The following TOP2A variants were observed in gnomAD, a reference collection of about 807,000 sequenced individuals.
TOP2A encodes DNA topoisomerase II alpha, also known as DNA topoisomerase 2-alpha.
TOP2A carries 68 observed loss-of-function variants against 187.2 expected under a neutral mutation model. The observed-to-expected ratio is 0.36, with a 90% CI of 0.30 to 0.44. TOP2A has a LOEUF of 0.44. TOP2A is among the 20% of genes least tolerant of loss of function. The pLI is 1.00. For synonymous variants in TOP2A, 542 were observed against 593.2 expected (o/e 0.91, Z 1.25); for missense variants, 1,196 against 1,808.7 (o/e 0.66, Z 6.14).
At position 40,400,960 on chromosome 17, in the gene TOP2A, C is replaced by T; in HGVS notation, c.2554G>A (p.Gly852Ser). The T allele has an allele frequency of 6.2e-7, 1 of 1,613,936 alleles. No individual in the cohort carries two copies. Among genetic ancestry groups the T allele is most frequent in the Non-Finnish European group, 8.5e-7 (1 of 1,179,878 alleles). ...CACCCAGTACCGATTCCTTCAGCAC[C>T]ATTTATCAGCACCATGGGAATAATA... ...IPIIPMVLIN[G>S]AEGIGTGWSC... The change falls in exon 21 of 35, where the codon GGT becomes AGT. Residue 852 changes from glycine (G) to serine (S), a missense_variant. Coordinates refer to ENST00000423485, the MANE Select transcript of TOP2A (RefSeq NM_001067.4).
intron 1 of TOP2A, among the ~76,000 whole-genome samples, chr17:40,417,244 C>G (rs2035402285): frequency 6.6e-6 from 1 of 152,010 alleles, no homozygotes; most frequent in Non-Finnish European, 1.5e-5. Flanking sequence ...TACGGTGTCC[C>G]GAGCACACGA....
rs768199366 is a variant in TOP2A, at chr17:40,417,762, G to A, written c.21+9C>T. 8.7e-6 allele frequency: 14 copies of A among 1,613,046 alleles called. No homozygotes were observed. Among genetic ancestry groups the A allele is most frequent in the African/African-American group, 2.7e-5 (2 of 74,904 alleles). ...AGGCTCCACCGCCAGTCCCCCCCGC[G>A]AGCCGTACCTGCAATGGTGACACTT... On this transcript the variant is annotated intron_variant, in intron 1 of 34. Coordinates refer to ENST00000423485, the MANE Select transcript of TOP2A (RefSeq NM_001067.4).
rs914273622 is a variant in TOP2A, at chr17:40,416,906, A to C, written c.22-11T>G. ...ATTTTCATTTACAGGCTAGCAATTAAAAAAAAAGAGAGAAAGAAGGGAATT... is the reference window on the plus strand; with the variant it reads ...ATTTTCATTTACAGGCTAGCAATTACAAAAAAAGAGAGAAAGAAGGGAATT... On this transcript the variant is annotated splice_polypyrimidine_tract_variant and intron_variant, in intron 1 of 34. Coordinates refer to ENST00000423485, the MANE Select transcript of TOP2A (RefSeq NM_001067.4). 5.7e-6 allele frequency: 9 copies of C among 1,573,962 alleles called. No individual in the cohort carries two copies. The highest frequency in any genetic ancestry group is 6.9e-6 in the Non-Finnish European group (8 of 1,164,384).
At position 40,408,055 on chromosome 17, in the gene TOP2A, G is replaced by GAAA; in HGVS notation, c.1409_1411dup (p.Val470_Ser471insPhe). On this transcript the variant is annotated inframe_insertion, in exon 12 of 35. Coordinates refer to ENST00000423485, the MANE Select transcript of TOP2A (RefSeq NM_001067.4). ...GTCTCTCCCAACCACACCAAGGCCT[G>GAAA]AAACAGCCAAAGTTTTGGCTGAATC... 1.2e-6 allele frequency: 2 copies of GAAA among 1,613,624 alleles called. No individual in the cohort carries two copies. Among genetic ancestry groups the GAAA allele is most frequent in the Non-Finnish European group, 1.7e-6 (2 of 1,179,668 alleles).
At chr17:40,394,652 G>A (rs1244581509) in intron 29 of TOP2A, among the ~76,000 whole-genome samples, 1 of 152,090 alleles carries the variant, frequency 6.6e-6, no homozygotes, top group Admixed American at 6.6e-5. Context: ...ACGTTAAATG[G>A]GCAAATTTGG....
rs2035326512 is a variant in TOP2A at position 40,411,900 on chromosome 17, C to T, written c.790-82G>A. On this transcript the variant is annotated intron_variant, in intron 7 of 34. Coordinates refer to ENST00000423485, the MANE Select transcript of TOP2A (RefSeq NM_001067.4). This position sits in a 1 kb window ranked among gnomAD's most constrained non-coding sequence, Gnocchi z 4.4. The stretch of plus-strand genomic sequence containing the variant: ...GATAGACTATGAGGACTTTCCAAAA[C>T]CAATGCAATGATGTTCACTGATAGG... The T allele has an allele frequency of 1.7e-6, 2 of 1,154,490 alleles. No individual in the cohort carries two copies. Among genetic ancestry groups the T allele is most frequent in the Non-Finnish European group, 2.4e-6 (2 of 832,198 alleles). The allele number at this position is 1,154,490 out of a possible 1,614,324, so 71.5% of individuals were successfully genotyped here.
At chr17:40,412,341 T>C (rs1323476103) in intron 7 of TOP2A, among the ~76,000 whole-genome samples, 6 of 152,230 alleles carry the variant, frequency 3.9e-5, no homozygotes, top group Non-Finnish European at 7.4e-5. Flanking sequence ...ATGTGAGAAG[T>C]GGTAAGAAAA....
At position 40,389,607 on chromosome 17, in the gene TOP2A, T is replaced by G. The variant is rs767915206; in HGVS notation, c.4508A>C (p.Asp1503Ala). 3.7e-6 allele frequency: 6 copies of G among 1,608,756 alleles called. No individual in the cohort carries two copies. Among genetic ancestry groups the G allele is most frequent in the Middle Eastern group, 1.7e-4 (1 of 6,056 alleles). ...TTTTGCCCGAGGAGCCACAGCTGAGTCAAAGTCCATATGGAAGTCATCACT... is the reference window on the plus strand; with the variant it reads ...TTTTGCCCGAGGAGCCACAGCTGAGGCAAAGTCCATATGGAAGTCATCACT... ...GESDDFHMDF[D>A]SAVAPRAKSV... Residue 1503 changes from aspartate to alanine, a missense_variant, in exon 35 of 35, where the codon GAC becomes GCC. By Grantham distance (126) the Asp-to-Ala change is moderately radical. Around this residue, in one of 10 missense-constraint regions of TOP2A, gnomAD observed 374 missense variants for 403.3 expected, o/e 0.93. Coordinates refer to ENST00000423485, the MANE Select transcript of TOP2A (RefSeq NM_001067.4).
chr17:40,410,984 C>T, intron 10 of TOP2A, 125 bp downstream of exon 10: 1 of 1,000,654 alleles, frequency 1.0e-6, no homozygotes, highest in Non-Finnish European at 1.4e-6. Flanking sequence ...TTTTTTACTT[C>T]CTTTTCAGAT....
At chr17:40,413,041 A>C in intron 6 of TOP2A, 70 bp from the exon 7 acceptor site, 1 of 1,375,398 alleles carries the variant, frequency 7.3e-7, no homozygotes, top group African/African-American at 1.4e-5. Flanking sequence ...AATAACATAA[A>C]TTTATGAGTC....
chr17:40,395,802 C>T (rs921620980), intron 28 of TOP2A, among the ~76,000 whole-genome samples: 9 of 151,804 alleles, frequency 5.9e-5, no homozygotes, highest in Non-Finnish European at 1.3e-4. Flanking sequence ...GCACGAGAAT[C>T]GCTTGAATAC....
chr17:40,416,676 G>A lies in TOP2A; in HGVS notation c.177+64C>T, dbSNP rs1015073355. Reference sequence around the variant, plus strand: ...AAAGGTCACACTCAGTACATGAAAGGTACAGAAAGAAGAGTATCCATTTCA... The same window carrying A: ...AAAGGTCACACTCAGTACATGAAAGATACAGAAAGAAGAGTATCCATTTCA... On this transcript the variant is annotated intron_variant, in intron 2 of 34. Coordinates refer to ENST00000423485, the MANE Select transcript of TOP2A (RefSeq NM_001067.4). The A allele has an allele frequency of 1.7e-5, 27 of 1,561,972 alleles. No individual in the cohort carries two copies. In the African/African-American group the frequency reaches 3.7e-4, roughly 21 times the overall value.
At chr17:40,412,419 G>C (rs748245752) in intron 7 of TOP2A, among the ~76,000 whole-genome samples, 55 of 152,168 alleles carry the variant, frequency 3.6e-4, no homozygotes, top group Non-Finnish European at 7.3e-5. Context: ...GCCAAGACGG[G>C]TGGATCATGA....
At chr17:40,393,527 A>G (rs891400756) in intron 29 of TOP2A, among the ~76,000 whole-genome samples, 1 of 152,128 alleles carries the variant, frequency 6.6e-6, no homozygotes, top group Non-Finnish European at 1.5e-5. Context: ...TCAAGGACAT[A>G]TATAGCTCAA....
chr17:40,400,648 T>A lies in TOP2A; in HGVS notation c.2680A>T (p.Asn894Tyr), dbSNP rs769276528. The change falls in exon 22 of 35, where the codon AAC becomes TAC. Residue 894 changes from asparagine (N) to tyrosine (Y), a missense_variant. Around this residue, in one of 10 missense-constraint regions of TOP2A, gnomAD observed 232 missense variants for 306.1 expected, o/e 0.76. Coordinates refer to ENST00000423485, the MANE Select transcript of TOP2A (RefSeq NM_001067.4). ...AGTTCTTCAATAGTACCCTTGAAGT[T>A]CTTGTAACTTGGAAGCTAAATTGGC... ...EPLPMLPSYK[N>Y]FKGTIEELAP... 4.4e-6 allele frequency: 7 copies of A among 1,592,990 alleles called. No individual in the cohort carries two copies. The East Asian group carries it at 1.6e-4, about 36-fold the overall frequency.
chr17:40,406,828 G>A lies in TOP2A; in HGVS notation c.1737+4C>T, dbSNP rs533985089. 30 of 1,599,484 alleles carry A rather than the reference G, an allele frequency of 1.9e-5. 1 individual carries two copies. In the East Asian group the frequency reaches 2.0e-4, roughly 11 times the overall value. On this transcript the variant is annotated splice_donor_region_variant and intron_variant, in intron 14 of 34. Transcript: ENST00000423485. ...TCCATGATGGTACTTAGAAATTAGCGTACCTTTACAATGGGAGTGATAAAT... is the reference window on the plus strand; with the variant it reads ...TCCATGATGGTACTTAGAAATTAGCATACCTTTACAATGGGAGTGATAAAT...
chr17:40,409,562 C>A, intron 10 of TOP2A: 2 of 402,668 alleles, frequency 5.0e-6, no homozygotes, highest in Non-Finnish European at 4.8e-6. Context: ...AGTTCAAGAC[C>A]AGCCTGGCCA....
In TOP2A at chr17:40,416,733, A is replaced by G; in HGVS notation, c.177+7T>C. The G allele has an allele frequency of 6.2e-7, 1 of 1,605,060 alleles. No homozygotes were observed. The highest frequency in any genetic ancestry group is 1.3e-5 in the African/African-American group (1 of 74,404). On this transcript the variant is annotated splice_region_variant and intron_variant, in intron 2 of 34. Coordinates refer to ENST00000423485, the MANE Select transcript of TOP2A (RefSeq NM_001067.4). Reference sequence around the variant, plus strand: ...AGGTTAACTGCCTTTGATGAGCTTGATTTTACCTGGGTCACTAATTCCACA... The same window carrying G: ...AGGTTAACTGCCTTTGATGAGCTTGGTTTTACCTGGGTCACTAATTCCACA...
intron 16 of TOP2A, 130 bp from the exon 17 acceptor site, chr17:40,405,013 G>A: frequency 1.7e-6 from 1 of 601,530 alleles, no homozygotes; most frequent in Non-Finnish European, 2.8e-6. Flanking sequence ...TTTGAGACGG[G>A]AGTTACTGTT....
Sources: allele counts gnomAD v4.1 joint callset (sites outside exome capture counted in the v4.1 genomes callset), GRCh38; gene constraint gnomAD v4.1.1; regional missense constraint gnomAD v4.1.1; non-coding constraint Gnocchi (gnomAD v3.1); transcripts MANE v1.5; gene names NCBI Gene and HGNC (gene_info 2026-07-23, HGNC 2026-07-21).